The following PRRX2 variants were observed in gnomAD, a reference collection of about 807,000 sequenced individuals.
PRRX2 encodes paired mesoderm homeobox protein 2.
PRRX2 carries 11 observed loss-of-function variants against 18.0 expected under a neutral mutation model. That is an observed-to-expected ratio of 0.61 (90% CI 0.39 to 1.01). The LOEUF (loss-of-function observed/expected upper bound fraction) is 1.01. Among genes scored for constraint, PRRX2 ranks in the 50% least tolerant of loss-of-function variants. The pLI is 0.01. For missense variants in PRRX2, 387 were observed against 351.0 expected, an observed-to-expected ratio of 1.10 and a Z score of -0.82; for synonymous variants, 177 against 154.8, an observed-to-expected ratio of 1.14 and a Z score of -1.06.
chr9:129,719,986 C>CAATAAATA (rs35193994), intron 2 of PRRX2, among the ~76,000 whole-genome samples: 2 of 151,842 alleles, frequency 1.3e-5, no homozygotes, highest in East Asian at 3.9e-4. Flanking sequence ...GACCCTGTCT[C>CAATAAATA]AATAAATAAA....
chr9:129,666,962 A>G (rs1227423244), intron 1 of PRRX2, among the ~76,000 whole-genome samples: 1 of 152,056 alleles, frequency 6.6e-6, no homozygotes, highest in African/African-American at 2.4e-5. Flanking sequence ...GCCTGACTCC[A>G]GCAGCCCTCC....
At chr9:129,669,625 A>G (rs540575019) in intron 1 of PRRX2, among the ~76,000 whole-genome samples, 1 of 152,232 alleles carries the variant, frequency 6.6e-6, no homozygotes, top group African/African-American at 2.4e-5. Context: ...ACGTGGATTC[A>G]TTTTCCAGAG....
chr9:129,666,428 T>A (rs991042793), intron 1 of PRRX2, among the ~76,000 whole-genome samples: 1 of 152,048 alleles, frequency 6.6e-6, no homozygotes, highest in Non-Finnish European at 1.5e-5. Context: ...GGGTTACAAC[T>A]GGGGAAACAG....
intron 1 of PRRX2, among the ~76,000 whole-genome samples, chr9:129,708,491 C>G (rs1832583133): frequency 6.6e-6 from 1 of 152,154 alleles, no homozygotes; most frequent in Admixed American, 6.5e-5. Flanking sequence ...TACTCAAATC[C>G]TTCACTCATT....
At chr9:129,674,878 G>A (rs1044515019) in intron 1 of PRRX2, among the ~76,000 whole-genome samples, 12 of 152,242 alleles carry the variant, frequency 7.9e-5, no homozygotes, top group African/African-American at 1.4e-4. Flanking sequence ...GAGTCACTGC[G>A]TCAGAATCAC....
At chr9:129,687,316 CA>C (rs537167507) in intron 1 of PRRX2, among the ~76,000 whole-genome samples, 57 of 152,276 alleles carry the variant, frequency 3.7e-4, no homozygotes, top group African/African-American at 1.3e-3. Flanking sequence ...CGAGGCCTGG[CA>C]GGGGTGTTGT....
At chr9:129,712,212 G>A (rs1832632569) in intron 1 of PRRX2, among the ~76,000 whole-genome samples, 1 of 152,182 alleles carries the variant, frequency 6.6e-6, no homozygotes, top group African/African-American at 2.4e-5. Context: ...GTGGTGAGGA[G>A]GGCTGCTTAT....
rs139985502 is a variant in PRRX2, at chr9:129,687,274, G to T, written c.259+21148G>T. ...TCGGCTGCATTCAACATGCACAGAT[G>T]CTTCATGGAAGGAAAGGGGCAAAAG... On this transcript the variant is annotated intron_variant, in intron 1 of 3. Transcript: ENST00000372469. Among the ~76,000 whole-genome samples the T allele has an allele frequency of 3.7e-3, 564 of 152,314 alleles. 3 individuals carry two copies. Among genetic ancestry groups the T allele is most frequent in the African/African-American group, 0.013 (528 of 41,578 alleles).
At chr9:129,722,164 G>A in intron 3 of PRRX2, 53 bp from the exon 4 acceptor site, 1 of 1,588,588 alleles carries the variant, frequency 6.3e-7, no homozygotes, top group East Asian at 2.2e-5. Flanking sequence ...GTCGAGCACT[G>A]ATACCCAGAA....
Position 129,666,069 on chromosome 9 carries a change from G to A in PRRX2, c.202G>A (p.Gly68Ser). Residue 68 changes from glycine to serine, a missense_variant, in exon 1 of 4, where the codon GGC (glycine) becomes AGC (serine). By Grantham distance (56) the Gly-to-Ser change is moderately conservative. Transcript: ENST00000372469. ...RPGARAEARE[G>S]AAREPSGGSS... The stretch of plus-strand genomic sequence containing the variant: ...CGGGGCCAGGGCCGAGGCGCGGGAG[G>A]GCGCAGCACGGGAGCCGTCCGGGGG... The A allele has an allele frequency of 9.6e-7, 1 of 1,040,828 alleles. No homozygotes were observed. The highest frequency in any genetic ancestry group is 4.4e-5 in the South Asian group (1 of 22,716). The allele number at this position is 1,040,828 out of a possible 1,614,324, so 64.5% of individuals were successfully genotyped here.
At chr9:129,702,397 CAA>C (rs79630793) in intron 1 of PRRX2, among the ~76,000 whole-genome samples, 2 of 89,286 alleles carry the variant, frequency 2.2e-5, no homozygotes. Flanking sequence ...GACTCCGTCT[CAA>C]AAAAAAAAAA....
At chr9:129,689,500 T>A (rs1832333503) in intron 1 of PRRX2, among the ~76,000 whole-genome samples, 2 of 152,206 alleles carry the variant, frequency 1.3e-5, no homozygotes, top group Non-Finnish European at 2.9e-5. Flanking sequence ...TAAGTAGATG[T>A]CGCTTTTGCA....
chr9:129,719,036 G>C (rs1277728173), intron 1 of PRRX2, among the ~76,000 whole-genome samples, 195 bp from the exon 2 acceptor site: 2 of 152,184 alleles, frequency 1.3e-5, no homozygotes, highest in Non-Finnish European at 2.9e-5. Context: ...CTGCCACACA[G>C]GTGCTCAGTA....
intron 1 of PRRX2, among the ~76,000 whole-genome samples, chr9:129,666,581 A>T (rs1016289730): frequency 1.5e-5 from 1 of 67,166 alleles, no homozygotes. Context: ...ACCCCCCCCC[A>T]CCCTCCAGTT....
At chr9:129,681,660 T>A (rs1184739349) in intron 1 of PRRX2, among the ~76,000 whole-genome samples, 1 of 152,126 alleles carries the variant, frequency 6.6e-6, no homozygotes, top group Non-Finnish European at 1.5e-5. Flanking sequence ...CGGTGCCCCC[T>A]CTCTGCTCCT....
chr9:129,705,556 T>C (rs145170238), intron 1 of PRRX2, among the ~76,000 whole-genome samples: 12,263 of 152,012 alleles, frequency 0.081, 670 homozygotes, highest in African/African-American at 0.15. Flanking sequence ...GGTTTCACCA[T>C]GTTGGCCAGA....
At chr9:129,683,280 C>T (rs896184858) in intron 1 of PRRX2, among the ~76,000 whole-genome samples, 6 of 152,200 alleles carry the variant, frequency 3.9e-5, no homozygotes, top group African/African-American at 7.2e-5. Flanking sequence ...CACACACGGT[C>T]TCCCCTCATC....
Position 129,715,424 on chromosome 9 carries a change from T to G in PRRX2, c.260-3807T>G, listed in dbSNP as rs1010801237. Among the ~76,000 whole-genome samples, 3 of 152,016 alleles carry G rather than the reference T, an allele frequency of 2.0e-5. No homozygotes were observed. The highest frequency in any genetic ancestry group is 7.2e-5 in the African/African-American group (3 of 41,390). Reference sequence around the variant, plus strand: ...CTTGGCAACATAGTAAGACCTCATCTCTACATTAAAATAAAAATCAGCTGG... The same window carrying G: ...CTTGGCAACATAGTAAGACCTCATCGCTACATTAAAATAAAAATCAGCTGG... On this transcript the variant is annotated intron_variant, in intron 1 of 3. Coordinates refer to ENST00000372469, the MANE Select transcript of PRRX2 (RefSeq NM_016307.4). This position sits in a 1 kb window ranked among gnomAD's most constrained non-coding sequence, Gnocchi z 4.0.
intron 1 of PRRX2, among the ~76,000 whole-genome samples, chr9:129,693,688 G>T (rs915168513): frequency 6.6e-6 from 1 of 152,134 alleles, no homozygotes; most frequent in Non-Finnish European, 1.5e-5. Context: ...GCAGGAGGAA[G>T]AATATTGTCC....
Sources: gnomAD v4.1 joint callset for allele counts (sites outside exome capture counted in the v4.1 genomes callset) on GRCh38, gnomAD v4.1.1 for gene constraint, Gnocchi (gnomAD v3.1) non-coding constraint, MANE v1.5 for transcripts, NCBI Gene and HGNC (gene_info 2026-07-23, HGNC 2026-07-21) for gene names.